MMAB: variants seen among roughly 807,000 people sequenced by gnomAD.
MMAB encodes metabolism of cobalamin associated B, also known as corrinoid adenosyltransferase MMAB.
A neutral mutation model predicts 30.6 loss-of-function variants in MMAB; 17 were observed. That is an observed-to-expected ratio of 0.56 (90% confidence interval 0.38 to 0.83). The LOEUF is 0.83. Among genes scored for constraint, MMAB ranks in the 40% least tolerant of loss-of-function variants. The pLI is 0.00. For synonymous variants in MMAB, 134 were observed against 138.6 expected (o/e 0.97, Z 0.23); for missense variants, 311 against 331.6 (o/e 0.94, Z 0.48).
rs1883967807 is a variant in MMAB, at chr12:109,556,303, A to C, written c.*725T>G. The C allele has an allele frequency of 2.2e-6, 1 of 453,838 alleles. No homozygotes were observed. The highest frequency in any genetic ancestry group is 4.4e-6 in the Non-Finnish European group (1 of 226,560). The allele number at this position is 453,838 out of a possible 1,614,324, so 28.1% of individuals were successfully genotyped here. A position where few individuals can be genotyped will look rare whatever the true frequency, so the allele number is the denominator to read the frequency against. Reference sequence around the variant, plus strand: ...GCACCGCAGACCCTTGACTCAGTCCAACCAGACAGGGAATGTTCACCTTCA... The same window carrying C: ...GCACCGCAGACCCTTGACTCAGTCCCACCAGACAGGGAATGTTCACCTTCA... On this transcript the variant is annotated 3_prime_UTR_variant, in exon 9 of 9. Transcript: ENST00000545712.
chr12:109,571,410 C>A (rs1044073018), intron 2 of MMAB, among the ~76,000 whole-genome samples: 13 of 152,084 alleles, frequency 8.5e-5, no homozygotes, highest in Admixed American at 8.5e-4. Flanking sequence ...GACCACCATA[C>A]TCAGCTAATT....
At chr12:109,567,834 T>C (rs1277700207) in intron 3 of MMAB, 4 of 152,170 alleles carry the variant, frequency 2.6e-5, no homozygotes, top group South Asian at 2.1e-4. Context: ...GATGAAGTCT[T>C]GCTATGTTGC....
rs1555273703 is a variant in MMAB, at chr12:109,555,286, T to TTTTTG, written c.*1741_*1742insCAAAA. ...ATTGCGTTTTCAGGGTTTTTTTTTT[T>TTTTTG]TTTTTTTTTTTTTTGTGACGGAGTC... On this transcript the variant is annotated 3_prime_UTR_variant, in exon 9 of 9. Transcript: ENST00000545712. 3 of 354,772 alleles carry TTTTTG rather than the reference T, an allele frequency of 8.5e-6. No homozygotes were observed. Among genetic ancestry groups the TTTTTG allele is most frequent in the South Asian group, 1.9e-5 (1 of 54,008 alleles). The allele number at this position is 354,772 out of a possible 1,614,324, so 22.0% of individuals were successfully genotyped here.
Position 109,568,861 on chromosome 12 carries a change from AC to A in MMAB, c.198del (p.Ser68LeufsTer25). 2 of 1,612,198 alleles carry A rather than the reference AC, an allele frequency of 1.2e-6. No homozygotes were observed. The highest frequency in any genetic ancestry group is 1.7e-6 in the Non-Finnish European group (2 of 1,178,830). The part of the protein sequence containing the change: ...PKIYTKTGDK[G>X]FSSTFTGERR... Reference sequence around the variant, plus strand: ...CTTTCTCCTGTGAAGGTACTAGAAAACCCTGTGGAAAAAAATGTTTAGCCAC... The same window carrying A: ...CTTTCTCCTGTGAAGGTACTAGAAAACCTGTGGAAAAAAATGTTTAGCCAC... On this transcript the variant is annotated frameshift_variant and splice_region_variant, in exon 3 of 9. Coordinates refer to ENST00000545712, the MANE Select transcript of MMAB (RefSeq NM_052845.4). LOFTEE classifies it high-confidence loss of function.
At position 109,561,734 on chromosome 12, in the gene MMAB, C is replaced by A; in HGVS notation, c.421+46G>T. ...CCAGATGGTGACCCTAGGAGAGTCC[C>A]CTGACCCTAGGGCCCTCTGAACACC... On this transcript the variant is annotated intron_variant, in intron 5 of 8. Transcript: ENST00000545712. The surrounding 1 kb of genome is among the most constrained non-coding windows in gnomAD (Gnocchi z 5.3). The A allele has an allele frequency of 6.5e-7, 1 of 1,536,286 alleles. No homozygotes were observed. Among genetic ancestry groups the A allele is most frequent in the East Asian group, 2.4e-5 (1 of 42,114 alleles).
chr12:109,573,460 C>G lies in MMAB; in HGVS notation c.21G>C (p.Gly7=). Residue 7 remains glycine, a synonymous_variant, in exon 1 of 9, where the codon GGG becomes GGC. Transcript: ENST00000545712. ...GACGGCTCCCCAGGCCAAGACGGCT[C>G]CCCAGGCCGCACACAGCCATGAGCC... MAVCGL[G]SRLGLGSRLG... is the part of the protein sequence containing the mutation. 6.2e-7 allele frequency: 1 copy of G among 1,606,276 alleles called. No individual in the cohort carries two copies. The highest frequency in any genetic ancestry group is 1.1e-5 in the South Asian group (1 of 90,526).
intron 7 of MMAB, 76 bp downstream of exon 7, chr12:109,560,964 T>G: frequency 4.3e-6 from 4 of 940,128 alleles, no homozygotes; most frequent in Non-Finnish European, 6.6e-6. Context: ...TCCGTCCTCC[T>G]CTCCCTCTCC....
chr12:109,571,541 C>T (rs1042902827), intron 2 of MMAB, 108 bp downstream of exon 2: 24 of 1,036,502 alleles, frequency 2.3e-5, no homozygotes, highest in African/African-American at 1.9e-4. Context: ...CATGAGCCAC[C>T]GCGCCTGGTA....
At chr12:109,563,334 G>A (rs1593000022) in intron 4 of MMAB, among the ~76,000 whole-genome samples, 1 of 152,194 alleles carries the variant, frequency 6.6e-6, no homozygotes, top group East Asian at 1.9e-4. Context: ...TATAAGCTGT[G>A]GACATTAACT....
chr12:109,561,489 G>C lies in MMAB; in HGVS notation c.450C>G (p.Ile150Met), dbSNP rs943273596. 5.2e-6 allele frequency: 8 copies of C among 1,550,092 alleles called. No homozygotes were observed. Among genetic ancestry groups the C allele is most frequent in the Non-Finnish European group, 7.0e-6 (8 of 1,146,966 alleles). Residue 150 changes from isoleucine to methionine, a missense_variant, in exon 6 of 9, where the codon ATC (isoleucine) becomes ATG (methionine). Physicochemically the swap from Ile to Met is conservative, Grantham distance 10. Transcript: ENST00000545712. The surrounding 1 kb of genome is among the most constrained non-coding windows in gnomAD (Gnocchi z 5.3). ...LKYTTFKAGP[I>M]LELEQWIDKY... ...TGTCGATCCACTGCTCCAGCTCCAG[G>C]ATGGGCCCCGCCTTGAACGTGGTAT...
intron 1 of MMAB, 133 bp from the exon 2 acceptor site, chr12:109,571,843 C>G: frequency 1.3e-6 from 1 of 746,932 alleles, no homozygotes; most frequent in Non-Finnish European, 2.4e-6. Flanking sequence ...AGATGGTCAT[C>G]TCTTGTTGAT....
Position 109,554,809 on chromosome 12 carries a change from C to T in MMAB, c.*2219G>A, listed in dbSNP as rs1258833054. On this transcript the variant is annotated 3_prime_UTR_variant, in exon 9 of 9. Coordinates refer to ENST00000545712, the MANE Select transcript of MMAB (RefSeq NM_052845.4). ...CAGAAGAGCAAATGTTTTAAACACCCCATCCTTCCAGCCCCCAAAGCAAGC... is the reference window on the plus strand; with the variant it reads ...CAGAAGAGCAAATGTTTTAAACACCTCATCCTTCCAGCCCCCAAAGCAAGC... The T allele has an allele frequency of 2.2e-6, 1 of 454,108 alleles. No homozygotes were observed. Among genetic ancestry groups the T allele is most frequent in the East Asian group, 6.9e-5 (1 of 14,398 alleles). The allele number at this position is 454,108 out of a possible 1,614,324, so 28.1% of individuals were successfully genotyped here.
In MMAB at chr12:109,556,212, A is replaced by T. The variant is rs1466794417; in HGVS notation, c.*816T>A. 1 of 453,996 alleles carries T rather than the reference A, an allele frequency of 2.2e-6. No homozygotes were observed. Among genetic ancestry groups the T allele is most frequent in the African/African-American group, 2.0e-5 (1 of 49,994 alleles). The allele number at this position is 453,996 out of a possible 1,614,324, so 28.1% of individuals were successfully genotyped here. A position where few individuals can be genotyped will look rare whatever the true frequency, so the allele number is the denominator to read the frequency against. On this transcript the variant is annotated 3_prime_UTR_variant, in exon 9 of 9. Coordinates refer to ENST00000545712, the MANE Select transcript of MMAB (RefSeq NM_052845.4). ...AGCCAGCCAAGTGCAACATCGGAGA[A>T]ATCAGTCTGGTGGATGTCAGCCTTG...
Position 109,558,612 on chromosome 12 carries a change from G to A in MMAB, c.644+484C>T, listed in dbSNP as rs1200980014. ...GCGAGGCAGAGGAAGCCCTCCCTGG[G>A]CTAGCCTGGCTCACTGGGGCCTGCA... On this transcript the variant is annotated intron_variant, in intron 8 of 8. Coordinates refer to ENST00000545712, the MANE Select transcript of MMAB (RefSeq NM_052845.4). This position sits in a 1 kb window ranked among gnomAD's most constrained non-coding sequence, Gnocchi z 4.3. Among the ~76,000 whole-genome samples the A allele has an allele frequency of 2.6e-5, 4 of 152,094 alleles. No homozygotes were observed. The highest frequency in any genetic ancestry group is 5.9e-5 in the Non-Finnish European group (4 of 67,984).
chr12:109,565,746 G>A (rs994073479), intron 3 of MMAB, among the ~76,000 whole-genome samples: 3 of 152,206 alleles, frequency 2.0e-5, no homozygotes, highest in Non-Finnish European at 2.9e-5. Flanking sequence ...AGCAATAGAA[G>A]CCTAATCTGA....
chr12:109,570,177 T>A (rs1298570975), intron 2 of MMAB: 1 of 234,606 alleles, frequency 4.3e-6, no homozygotes, highest in African/African-American at 2.4e-5. Context: ...GCATAAGAAT[T>A]GCTTGAACCC....
chr12:109,572,881 A>T (rs1884704067), intron 1 of MMAB, among the ~76,000 whole-genome samples: 1 of 152,236 alleles, frequency 6.6e-6, no homozygotes, highest in African/African-American at 2.4e-5. Context: ...GACATAGCTC[A>T]AAATTAAAAT....
At chr12:109,566,526 A>G (rs944074213) in intron 3 of MMAB, among the ~76,000 whole-genome samples, 2 of 152,200 alleles carry the variant, frequency 1.3e-5, no homozygotes, top group African/African-American at 2.4e-5. Context: ...GTGCAGAAGT[A>G]CCTGCTTGCC....
At chr12:109,567,788 C>A (rs756804413) in intron 3 of MMAB, 2 of 152,136 alleles carry the variant, frequency 1.3e-5, no homozygotes, top group Admixed American at 6.5e-5. Flanking sequence ...TGCACCACCA[C>A]GCCTGGCTAA....
Sources: allele counts gnomAD v4.1 joint callset (sites outside exome capture counted in the v4.1 genomes callset), GRCh38; gene constraint gnomAD v4.1.1; non-coding constraint Gnocchi (gnomAD v3.1); transcripts MANE v1.5; gene names NCBI Gene and HGNC (gene_info 2026-07-23, HGNC 2026-07-21).